The following MYO5A variants were observed in gnomAD, a reference collection of about 807,000 sequenced individuals.
MYO5A encodes myosin VA.
In MYO5A, 98 loss-of-function variants were observed where a neutral mutation model predicts 249.7. The observed-to-expected ratio is 0.39, with a 90% CI of 0.33 to 0.46. MYO5A has a LOEUF of 0.46. Ranked by LOEUF, MYO5A falls within the 20% of genes least tolerant of loss-of-function variation. The probability of loss-of-function intolerance (pLI) is 0.98; values close to 1 mark genes in which losing one functional copy is unlikely to be tolerated. For missense variants in MYO5A, 1,696 were observed against 2,308.8 expected (o/e 0.73, Z 5.44); for synonymous variants, 778 against 810.6 (o/e 0.96, Z 0.68).
intron 1 of MYO5A, among the ~76,000 whole-genome samples, chr15:52,504,787 G>A (rs1223882725): frequency 6.6e-6 from 1 of 152,028 alleles, no homozygotes; most frequent in Non-Finnish European, 1.5e-5. Flanking sequence ...CTACTCAGGA[G>A]GTTGAGGCAG....
At chr15:52,478,172 G>C (rs2076638342) in intron 1 of MYO5A, among the ~76,000 whole-genome samples, 1 of 152,222 alleles carries the variant, frequency 6.6e-6, no homozygotes, top group Non-Finnish European at 1.5e-5. Flanking sequence ...TGCTGTGCTA[G>C]CAGTGAGCAA....
chr15:52,380,493 C>T (rs1409021149), intron 16 of MYO5A, among the ~76,000 whole-genome samples: 3 of 151,850 alleles, frequency 2.0e-5, no homozygotes, highest in Admixed American at 1.3e-4. Flanking sequence ...CATGGCTGGG[C>T]GCAGTGGCTC....
chr15:52,439,356 C>G (rs1567127924), intron 1 of MYO5A, among the ~76,000 whole-genome samples: 1 of 152,248 alleles, frequency 6.6e-6, no homozygotes, highest in Non-Finnish European at 1.5e-5. Context: ...TCCACTCACA[C>G]TACTCTAGAT....
chr15:52,463,675 C>T (rs2076297349), intron 1 of MYO5A, among the ~76,000 whole-genome samples: 1 of 152,182 alleles, frequency 6.6e-6, no homozygotes, highest in South Asian at 2.1e-4. Flanking sequence ...CAGCTACCAA[C>T]TGTATCAAAA....
intron 1 of MYO5A, among the ~76,000 whole-genome samples, chr15:52,453,182 G>C (rs1259535825): frequency 6.6e-6 from 1 of 152,020 alleles, no homozygotes; most frequent in African/African-American, 2.4e-5. Flanking sequence ...AGTAGCAAGG[G>C]AAAAGAAGCA....
At chr15:52,471,620 C>CACACACACACAA (rs71130163) in intron 1 of MYO5A, among the ~76,000 whole-genome samples, 1 of 148,276 alleles carries the variant, frequency 6.7e-6, no homozygotes, top group Non-Finnish European at 1.5e-5. Context: ...CACACACACA[C>CACACACACACAA]CCCAAACAAA....
rs1375276866 is a variant in MYO5A at position 52,433,279 on chromosome 15, T to C, written c.34A>G (p.Arg12Gly). 1 of 1,611,506 alleles carries C rather than the reference T, an allele frequency of 6.2e-7. No homozygotes were observed. The highest frequency in any genetic ancestry group is 1.3e-5 in the African/African-American group (1 of 74,812). The change falls in exon 2 of 42, where the codon AGG becomes GGG. Residue 12 changes from arginine to glycine, a missense_variant. Physicochemically the swap from Arg to Gly is moderately radical, Grantham distance 125. Around this residue, in one of 5 missense-constraint regions of MYO5A, gnomAD observed 197 missense variants for 320.3 expected, o/e 0.62. Coordinates refer to ENST00000399233, the MANE Select transcript of MYO5A (RefSeq NM_001382347.1). ...TCCTCTGGATCAGGTATCCAAACCC[T>C]GGCAAACTAGAAGACAAAAAGAAAA... ...AASELYTKFA[R>G]VWIPDPEEVW...
chr15:52,384,423 C>T, intron 14 of MYO5A, 101 bp from the exon 15 acceptor site: 1 of 1,189,942 alleles, frequency 8.4e-7, no homozygotes, highest in South Asian at 1.3e-5. Flanking sequence ...TAAGTAATCA[C>T]TGTCAGAGTC....
chr15:52,379,599 A>G (rs773805529), intron 18 of MYO5A, 26 bp downstream of exon 18: 1 of 1,601,116 alleles, frequency 6.2e-7, no homozygotes, highest in South Asian at 1.1e-5. Context: ...TTCTGCTCAG[A>G]TGACGGTAAG....
At chr15:52,344,561 G>T (rs1455428236) in intron 30 of MYO5A, among the ~76,000 whole-genome samples, 1 of 152,112 alleles carries the variant, frequency 6.6e-6, no homozygotes, top group East Asian at 1.9e-4. Flanking sequence ...AATCCTAACT[G>T]CCACCAGCCA....
At chr15:52,521,366 T>G (rs1388122075) in intron 1 of MYO5A, among the ~76,000 whole-genome samples, 1 of 152,194 alleles carries the variant, frequency 6.6e-6, no homozygotes, top group Non-Finnish European at 1.5e-5. Flanking sequence ...ATTTCTCTAG[T>G]TTCATGTACA....
At chr15:52,394,514 A>G (rs1414698620) in intron 11 of MYO5A, among the ~76,000 whole-genome samples, 1 of 152,234 alleles carries the variant, frequency 6.6e-6, no homozygotes, top group East Asian at 1.9e-4. Flanking sequence ...TATACAGACT[A>G]GAAGGAAAGA....
intron 23 of MYO5A, 83 bp downstream of exon 23, chr15:52,366,945 ATGT>A (rs2040842188): frequency 1.8e-6 from 2 of 1,119,962 alleles, no homozygotes; most frequent in Admixed American, 3.4e-5. Flanking sequence ...ATTCTAAATA[ATGT>A]TGTGTAACTC....
chr15:52,380,771 A>G (rs1596376586), intron 16 of MYO5A, among the ~76,000 whole-genome samples: 1 of 152,304 alleles, frequency 6.6e-6, no homozygotes, highest in East Asian at 1.9e-4. Context: ...CGTCTAAAAA[A>G]CAACAGCAAC....
intron 15 of MYO5A, among the ~76,000 whole-genome samples, chr15:52,383,903 G>A (rs2041865958): frequency 6.6e-6 from 1 of 152,256 alleles, no homozygotes; most frequent in Non-Finnish European, 1.5e-5. Flanking sequence ...ACTAAGCAAA[G>A]ATGGGGTGGT....
chr15:52,431,902 A>G, intron 2 of MYO5A, among the ~76,000 whole-genome samples: 1 of 151,988 alleles, frequency 6.6e-6, no homozygotes, highest in African/African-American at 2.4e-5. Flanking sequence ...TGAGCCTGGG[A>G]GGCATGATCA....
chr15:52,324,232 T>C (rs1365244683), intron 36 of MYO5A, among the ~76,000 whole-genome samples: 2 of 151,944 alleles, frequency 1.3e-5, no homozygotes, highest in African/African-American at 4.8e-5. Flanking sequence ...AATCCAGAAA[T>C]GAGAAGAAGG....
At chr15:52,318,605 C>T (rs1033995474) in intron 39 of MYO5A, among the ~76,000 whole-genome samples, 1 of 151,982 alleles carries the variant, frequency 6.6e-6, no homozygotes, top group African/African-American at 2.4e-5. Flanking sequence ...TCTATCAGAC[C>T]TGTTCTTGTT....
rs1204562000 is a variant in MYO5A, at chr15:52,376,397, C to G, written c.2370G>C (p.Arg790=). The change falls in exon 19 of 42, where the codon CGG becomes CGC. Residue 790 remains arginine, a synonymous_variant. Coordinates refer to ENST00000399233, the MANE Select transcript of MYO5A (RefSeq NM_001382347.1). ...WLLRKKYLRM[R]KAAITMQRYV... is the part of the protein sequence containing the mutation. ...ATCTCTGCATGGTGATGGCTGCCTT[C>G]CGCATGCGTAGGTACTTCTTTCTCA... The G allele has an allele frequency of 1.2e-6, 2 of 1,614,160 alleles. No homozygotes were observed. The highest frequency in any genetic ancestry group is 1.7e-5 in the Admixed American group (1 of 60,020).
Sources: allele counts gnomAD v4.1 joint callset (sites outside exome capture counted in the v4.1 genomes callset), GRCh38; gene constraint gnomAD v4.1.1; regional missense constraint gnomAD v4.1.1; transcripts MANE v1.5; gene names NCBI Gene and HGNC (gene_info 2026-07-23, HGNC 2026-07-21).